The following KCNU1 variants were observed in gnomAD, a reference collection of about 807,000 sequenced individuals.
The protein encoded by KCNU1 is potassium calcium-activated channel subfamily U member 1.
Under a neutral mutation model 126.8 loss-of-function variants are expected in KCNU1, and 93 were observed. The observed-to-expected ratio is 0.73, with a 90% confidence interval of 0.62 to 0.87. The LOEUF (loss-of-function observed/expected upper bound fraction) is 0.87. Among genes scored for constraint, KCNU1 ranks in the 40% least tolerant of loss-of-function variants. KCNU1 has a pLI of 0.00. For missense variants in KCNU1, 1,330 were observed against 1,367.1 expected (o/e 0.97, Z 0.43); for synonymous variants, 523 against 494.2 (o/e 1.06, Z -0.77).
intron 15 of KCNU1, 28 bp downstream of exon 15, chr8:36,840,603 T>G: frequency 8.1e-7 from 1 of 1,240,332 alleles, no homozygotes; most frequent in Non-Finnish European, 1.2e-6. Context: ...CTTCCCTCAT[T>G]CTTCAGACAA....
In KCNU1 at chr8:36,836,800, T is replaced by C; in HGVS notation, c.1373T>C (p.Leu458Pro). 1 of 1,613,792 alleles carries C rather than the reference T, an allele frequency of 6.2e-7. No individual in the cohort carries two copies. The highest frequency in any genetic ancestry group is 8.5e-7 in the Non-Finnish European group (1 of 1,179,752). The change falls in exon 14 of 27, where the codon CTG becomes CCG. Residue 458 changes from leucine to proline, a missense_variant. Physicochemically the swap from Leu to Pro is moderately conservative, Grantham distance 98 (BLOSUM62 -3). Coordinates refer to ENST00000399881, the MANE Select transcript of KCNU1 (RefSeq NM_001031836.3). The part of the protein sequence containing the change: ...QILQSHNKVY[L>P]PKIPSWNWDT... ...CTTTGTGCTATGGAACAGGTTTATC[T>C]GCCAAAGATTCCCAGCTGGAACTGG...
At chr8:36,910,905 C>A in intron 21 of KCNU1, 25 bp from the exon 22 acceptor site, 3 of 1,421,376 alleles carry the variant, frequency 2.1e-6, no homozygotes, top group Admixed American at 3.6e-5. Context: ...CGACCAGTGC[C>A]TCCTCTCTCT....
intron 2 of KCNU1, among the ~76,000 whole-genome samples, chr8:36,802,771 T>G (rs10216620): frequency 6.6e-6 from 1 of 152,008 alleles, no homozygotes; most frequent in African/African-American, 2.4e-5. Context: ...ATTTTCAAAG[T>G]ATTTCACTTC....
At position 36,922,475 on chromosome 8, in the gene KCNU1, C is replaced by T; in HGVS notation, c.2597-15C>T. On this transcript the variant is annotated splice_polypyrimidine_tract_variant and intron_variant, in intron 23 of 26. Transcript: ENST00000399881. ...CTGATCTGCTTGTCTTTCCTTTTTGCCTCTTGCCTTGCAGAAAATCCTTCC... is the reference window on the plus strand; with the variant it reads ...CTGATCTGCTTGTCTTTCCTTTTTGTCTCTTGCCTTGCAGAAAATCCTTCC... 1 of 1,604,262 alleles carries T rather than the reference C, an allele frequency of 6.2e-7. No individual in the cohort carries two copies. The highest frequency in any genetic ancestry group is 8.5e-7 in the Non-Finnish European group (1 of 1,176,422).
intron 10 of KCNU1, among the ~76,000 whole-genome samples, chr8:36,820,454 A>T (rs1026908000): frequency 7.9e-5 from 12 of 152,122 alleles, no homozygotes; most frequent in African/African-American, 2.9e-4. Flanking sequence ...AGAACAGCCC[A>T]TGCATGGTTT....
chr8:36,787,560 C>T (rs1235616950), intron 2 of KCNU1, 135 bp downstream of exon 2: 6 of 639,004 alleles, frequency 9.4e-6, no homozygotes. Flanking sequence ...TCACCACCTC[C>T]CCATCCCCAT....
intron 16 of KCNU1, among the ~76,000 whole-genome samples, chr8:36,841,371 A>G (rs1016293287): frequency 6.6e-6 from 1 of 152,140 alleles, no homozygotes; most frequent in Non-Finnish European, 1.5e-5. Context: ...TGTGATAAAA[A>G]TGTTCCCACA....
At chr8:36,928,770 C>T in intron 24 of KCNU1, 1 of 480,030 alleles carries the variant, frequency 2.1e-6, no homozygotes, top group South Asian at 3.1e-5. Flanking sequence ...CTTATGCAGA[C>T]ACAGCCTATC....
At chr8:36,801,423 G>T (rs1803299797) in intron 2 of KCNU1, among the ~76,000 whole-genome samples, 1 of 141,048 alleles carries the variant, frequency 7.1e-6, no homozygotes. Flanking sequence ...TCAATTCTTT[G>T]TTTCTATCTT....
chr8:36,837,816 A>C (rs766425154), intron 14 of KCNU1, among the ~76,000 whole-genome samples: 36 of 152,218 alleles, frequency 2.4e-4, no homozygotes, highest in Non-Finnish European at 2.9e-4. Flanking sequence ...AAGTGCTTGC[A>C]GAGAATGACC....
intron 18 of KCNU1, among the ~76,000 whole-genome samples, chr8:36,851,073 T>C (rs1483150379): frequency 6.6e-6 from 1 of 152,226 alleles, no homozygotes; most frequent in Non-Finnish European, 1.5e-5. Context: ...GATTTCTGCA[T>C]TTCCATGTGG....
chr8:36,828,895 C>CAT (rs1278142726), intron 10 of KCNU1, among the ~76,000 whole-genome samples: 2 of 152,068 alleles, frequency 1.3e-5, no homozygotes, highest in Non-Finnish European at 2.9e-5. Context: ...AGACTTCACA[C>CAT]ATATATATAC....
chr8:36,815,690 A>T lies in KCNU1; in HGVS notation c.995+3A>T. The T allele has an allele frequency of 2.7e-6, 4 of 1,496,590 alleles. No homozygotes were observed. The highest frequency in any genetic ancestry group is 3.7e-6 in the Non-Finnish European group (4 of 1,084,822). 92.7% of individuals were successfully genotyped at this position (1,496,590 alleles called of 1,614,324 possible). The stretch of plus-strand genomic sequence containing the variant: ...TATGAAGCACTCAAAGGAAAGAAGT[A>T]AGTAGTGTTTTAAGTATAATTTCTA... On this transcript the variant is annotated splice_donor_region_variant and intron_variant, in intron 9 of 26. Transcript: ENST00000399881.
At chr8:36,803,629 T>C (rs1242979949) in intron 2 of KCNU1, among the ~76,000 whole-genome samples, 3 of 152,178 alleles carry the variant, frequency 2.0e-5, no homozygotes, top group Non-Finnish European at 4.4e-5. Flanking sequence ...AACCCCTTCT[T>C]TTCTAGCATG....
intron 11 of KCNU1, among the ~76,000 whole-genome samples, 199 bp downstream of exon 11, chr8:36,833,858 CCTCA>C (rs1287232511): frequency 5.9e-5 from 9 of 152,140 alleles, no homozygotes; most frequent in Non-Finnish European, 2.9e-5. Flanking sequence ...GTCAAGCAGA[CCTCA>C]CTGTTTGCCA....
intron 19 of KCNU1, among the ~76,000 whole-genome samples, chr8:36,866,293 G>T (rs1563304161): frequency 6.6e-6 from 1 of 152,080 alleles, no homozygotes; most frequent in Non-Finnish European, 1.5e-5. Flanking sequence ...CCGTTTACCT[G>T]AGGATTCTGG....
intron 12 of KCNU1, among the ~76,000 whole-genome samples, 172 bp from the exon 13 acceptor site, chr8:36,836,124 C>T (rs1256469717): frequency 3.3e-5 from 5 of 152,182 alleles, no homozygotes; most frequent in African/African-American, 7.2e-5. Flanking sequence ...CAATGATGCT[C>T]TTCTGTGTAG....
At position 36,858,191 on chromosome 8, in the gene KCNU1, A is replaced by AC. The variant is rs1411041614; in HGVS notation, c.1892-6213_1892-6212insC. 4.0e-5 allele frequency among the ~76,000 whole-genome samples: 6 copies of AC among 151,856 alleles called. No individual in the cohort carries two copies. The East Asian group carries it at 5.8e-4, about 15-fold the overall frequency. On this transcript the variant is annotated intron_variant, in intron 18 of 26. Transcript: ENST00000399881. ...TCAAGGATGGCAAAAAAAAAAAAAA[A>AC]AAAAAAAACTGTTCGTATGTAATTT...
chr8:36,864,371 T>G (rs1271213898), intron 18 of KCNU1, 33 bp from the exon 19 acceptor site: 1 of 1,252,546 alleles, frequency 8.0e-7, no homozygotes, highest in Non-Finnish European at 1.2e-6. Context: ...TGAAGAGATG[T>G]GCCAACTCAC....
Sources: allele counts gnomAD v4.1 joint callset (sites outside exome capture counted in the v4.1 genomes callset), GRCh38; gene constraint gnomAD v4.1.1; transcripts MANE v1.5; gene names NCBI Gene and HGNC (gene_info 2026-07-23, HGNC 2026-07-21).